TMEM178B: variants seen among roughly 807,000 people sequenced by gnomAD.
TMEM178B encodes the protein transmembrane protein 178B.
A neutral mutation model predicts 31.0 loss-of-function variants in TMEM178B; 5 were observed. The observed-to-expected ratio is 0.16, with a 90% CI of 0.08 to 0.34. The LOEUF is 0.34. TMEM178B is among the 10% of genes least tolerant of loss of function. The probability of loss-of-function intolerance (pLI) is 1.00; values close to 1 mark genes in which losing one functional copy is unlikely to be tolerated. For missense variants in TMEM178B, 275 were observed against 400.3 expected (o/e 0.69, Z 2.67); for synonymous variants, 164 against 164.0 (o/e 1.00, Z 0.00).
chr7:141,075,995 C>G (rs769594546), intron 1 of TMEM178B, among the ~76,000 whole-genome samples: 2 of 152,140 alleles, frequency 1.3e-5, no homozygotes, highest in Non-Finnish European at 2.9e-5. Context: ...GGTGAGGTGG[C>G]TTCAGAGACA....
intron 2 of TMEM178B, among the ~76,000 whole-genome samples, chr7:141,408,382 G>T (rs1439898811): frequency 1.3e-5 from 2 of 152,120 alleles, no homozygotes; most frequent in Non-Finnish European, 2.9e-5. Flanking sequence ...AGAGTAGTAC[G>T]TCTCAATCCA....
intron 2 of TMEM178B, among the ~76,000 whole-genome samples, chr7:141,402,548 C>T (rs768670588): frequency 1.1e-4 from 17 of 152,198 alleles, no homozygotes; most frequent in Non-Finnish European, 2.4e-4. Flanking sequence ...TAGGACCAAG[C>T]GGGCTGGTGC....
intron 2 of TMEM178B, among the ~76,000 whole-genome samples, chr7:141,320,302 T>A (rs1045978308): frequency 6.6e-6 from 1 of 152,158 alleles, no homozygotes; most frequent in African/African-American, 2.4e-5. Context: ...ACTAATACAG[T>A]GGTGATTACT....
At chr7:141,359,844 G>A (rs1196583181) in intron 2 of TMEM178B, among the ~76,000 whole-genome samples, 1 of 152,164 alleles carries the variant, frequency 6.6e-6, no homozygotes, top group East Asian at 1.9e-4. Context: ...ACAGTTCTAC[G>A]TGGCTGGGGA....
At chr7:141,263,221 C>T (rs532014854) in intron 2 of TMEM178B, among the ~76,000 whole-genome samples, 1 of 151,260 alleles carries the variant, frequency 6.6e-6, no homozygotes, top group Non-Finnish European at 1.5e-5. Context: ...GGCTGACACT[C>T]TTACTGACCT....
intron 2 of TMEM178B, among the ~76,000 whole-genome samples, chr7:141,242,475 T>G (rs1797639108): frequency 2.2e-5 from 2 of 89,300 alleles, no homozygotes; most frequent in South Asian, 9.2e-4. Flanking sequence ...ACACTTTGTG[T>G]GAGTGTGTGT....
intron 1 of TMEM178B, among the ~76,000 whole-genome samples, chr7:141,149,794 C>T (rs547891878): frequency 1.1e-4 from 16 of 152,314 alleles, no homozygotes; most frequent in Non-Finnish European, 1.5e-4. Context: ...TTCCGCCCTG[C>T]GGGTTATGGA....
intron 1 of TMEM178B, among the ~76,000 whole-genome samples, chr7:141,085,476 T>C (rs1158817025): frequency 6.6e-6 from 1 of 152,174 alleles, no homozygotes; most frequent in Non-Finnish European, 1.5e-5. Flanking sequence ...AATTGATTTT[T>C]TTTTTGGCGT....
At chr7:141,222,132 T>G (rs1797267728) in intron 2 of TMEM178B, among the ~76,000 whole-genome samples, 1 of 152,210 alleles carries the variant, frequency 6.6e-6, no homozygotes, top group Admixed American at 6.5e-5. Context: ...AAGCAGGACC[T>G]GTATTTGTGT....
intron 2 of TMEM178B, among the ~76,000 whole-genome samples, chr7:141,223,501 T>C (rs1349093169): frequency 6.7e-6 from 1 of 150,148 alleles, no homozygotes; most frequent in East Asian, 2.0e-4. Context: ...TTTTTTGTAT[T>C]TCCCTGATAT....
chr7:141,124,125 G>A (rs1411612188), intron 1 of TMEM178B, among the ~76,000 whole-genome samples: 4 of 152,160 alleles, frequency 2.6e-5, no homozygotes, highest in Non-Finnish European at 5.9e-5. Flanking sequence ...CCAGTACTTT[G>A]GGAGGCCGAG....
At chr7:141,085,745 G>T (rs772669194) in intron 1 of TMEM178B, among the ~76,000 whole-genome samples, 1 of 151,992 alleles carries the variant, frequency 6.6e-6, no homozygotes, top group Non-Finnish European at 1.5e-5. Flanking sequence ...ATGGGCTAGG[G>T]TTGTTTTTAC....
At position 141,344,361 on chromosome 7, in the gene TMEM178B, C is replaced by G. The variant is rs1174283622; in HGVS notation, c.497-93247C>G. 6.6e-6 allele frequency among the ~76,000 whole-genome samples: 1 copy of G among 152,154 alleles called. No individual in the cohort carries two copies. The highest frequency in any genetic ancestry group is 1.5e-5 in the Non-Finnish European group (1 of 68,026). On this transcript the variant is annotated intron_variant, in intron 2 of 3. Transcript: ENST00000565468. This position sits in a 1 kb window ranked among gnomAD's most constrained non-coding sequence, Gnocchi z 4.1. ...CTGACTTCAAGGCCTGAGCTCAGAA[C>G]CCCTGGTCCGATAGCCCTTCAGTCA...
At chr7:141,419,948 C>A (rs1801173492) in intron 2 of TMEM178B, among the ~76,000 whole-genome samples, 1 of 152,178 alleles carries the variant, frequency 6.6e-6, no homozygotes, top group African/African-American at 2.4e-5. Context: ...TTCTCCTATT[C>A]ATCAAATATG....
chr7:141,505,910 C>T, the TMEM178B span, among the ~76,000 whole-genome samples: 1 of 152,178 alleles, frequency 6.6e-6, no homozygotes, highest in Non-Finnish European at 1.5e-5. Flanking sequence ...GTGCTGACTC[C>T]CCACAATGGC....
Position 141,388,779 on chromosome 7 carries a change from CT to C in TMEM178B, c.497-48828del, listed in dbSNP as rs571654899. The stretch of plus-strand genomic sequence containing the variant: ...TGGATGTTTTATACACAGTTTGGGG[CT>C]GATTTATATAGGGTCAGAAGACTTA... On this transcript the variant is annotated intron_variant, in intron 2 of 3. Transcript: ENST00000565468. 4.1e-3 allele frequency among the ~76,000 whole-genome samples: 621 copies of C among 152,304 alleles called. 6 individuals carry two copies. Among genetic ancestry groups the C allele is most frequent in the African/African-American group, 0.014 (590 of 41,566 alleles).
At chr7:141,509,931 C>T in the TMEM178B span, among the ~76,000 whole-genome samples, 2 of 152,188 alleles carry the variant, frequency 1.3e-5, no homozygotes, top group African/African-American at 4.8e-5. Context: ...TGGGAGTCTA[C>T]AAGGCACTCT....
At chr7:141,160,139 T>C (rs1209659280) in intron 1 of TMEM178B, among the ~76,000 whole-genome samples, 2 of 151,682 alleles carry the variant, frequency 1.3e-5, no homozygotes, top group Non-Finnish European at 2.9e-5. Context: ...TTTCTGAAAT[T>C]TTGCTGCACC....
At chr7:141,369,768 A>G (rs930938738) in intron 2 of TMEM178B, among the ~76,000 whole-genome samples, 6 of 152,140 alleles carry the variant, frequency 3.9e-5, no homozygotes. Flanking sequence ...TGGAGCCGGG[A>G]TTACTTCCTA....
Sources: allele counts gnomAD v4.1 joint callset (sites outside exome capture counted in the v4.1 genomes callset), GRCh38; gene constraint gnomAD v4.1.1; non-coding constraint Gnocchi (gnomAD v3.1); transcripts MANE v1.5; gene names NCBI Gene and HGNC (gene_info 2026-07-23, HGNC 2026-07-21).